SLC24A3: variants seen among roughly 807,000 people sequenced by gnomAD.
The protein encoded by SLC24A3 is sodium/potassium/calcium exchanger 3.
SLC24A3 carries 28 observed loss-of-function variants against 75.8 expected under a neutral mutation model. The ratio of observed to expected loss-of-function variants is 0.37; its 90% CI spans 0.27 to 0.51. SLC24A3 has a LOEUF of 0.51. Ranked by LOEUF, SLC24A3 falls within the 20% of genes least tolerant of loss-of-function variation. SLC24A3 has a pLI of 0.94. For synonymous variants in SLC24A3, 372 were observed against 334.1 expected, an observed-to-expected ratio of 1.11 and a Z score of -1.24; for missense variants, 663 against 847.8, an observed-to-expected ratio of 0.78 and a Z score of 2.71.
intron 3 of SLC24A3, among the ~76,000 whole-genome samples, chr20:19,564,229 A>G (rs1240504098): frequency 2.6e-5 from 4 of 152,194 alleles, no homozygotes; most frequent in African/African-American, 4.8e-5. Context: ...GTAAAAGGGA[A>G]GAAAGAATCT....
chr20:19,576,282 A>G (rs564089610), intron 3 of SLC24A3, among the ~76,000 whole-genome samples: 3 of 152,278 alleles, frequency 2.0e-5, no homozygotes, highest in African/African-American at 7.2e-5. Flanking sequence ...CTCTATTAAA[A>G]CTATTTGTGC....
chr20:19,435,101 A>G (rs1193314220), intron 2 of SLC24A3, among the ~76,000 whole-genome samples: 12 of 152,244 alleles, frequency 7.9e-5, no homozygotes, highest in Admixed American at 3.3e-4. Flanking sequence ...ATTATTTACA[A>G]ATGCTGCCCT....
intron 3 of SLC24A3, among the ~76,000 whole-genome samples, chr20:19,539,106 G>A (rs1256921822): frequency 1.3e-5 from 2 of 151,594 alleles, no homozygotes; most frequent in African/African-American, 4.9e-5. Flanking sequence ...GTGGGGATGT[G>A]CAAGAGCTTC....
chr20:19,526,619 G>A (rs543708790), intron 3 of SLC24A3, among the ~76,000 whole-genome samples: 28 of 152,196 alleles, frequency 1.8e-4, no homozygotes, highest in Admixed American at 7.9e-4. Flanking sequence ...TCCAGGTCAC[G>A]CTTTGCTCGG....
At chr20:19,227,441 C>T (rs765911296) in intron 1 of SLC24A3, among the ~76,000 whole-genome samples, 18 of 151,780 alleles carry the variant, frequency 1.2e-4, no homozygotes, top group Admixed American at 2.6e-4. Context: ...TGGCCCACGC[C>T]GTATCTCTTT....
At chr20:19,496,406 C>G (rs1038010397) in intron 2 of SLC24A3, among the ~76,000 whole-genome samples, 2 of 152,172 alleles carry the variant, frequency 1.3e-5, no homozygotes, top group African/African-American at 4.8e-5. Flanking sequence ...CATATGAAGC[C>G]ATATCCCCAC....
intron 6 of SLC24A3, among the ~76,000 whole-genome samples, chr20:19,640,313 T>C (rs1173327316): frequency 1.3e-5 from 2 of 152,200 alleles, no homozygotes; most frequent in Non-Finnish European, 2.9e-5. Context: ...TACTGACACC[T>C]GAAATAAGGA....
chr20:19,426,563 C>A (rs1987010300), intron 2 of SLC24A3, among the ~76,000 whole-genome samples: 1 of 152,160 alleles, frequency 6.6e-6, no homozygotes, highest in Non-Finnish European at 1.5e-5. Context: ...GGATTGTTTC[C>A]AATACTTTGC....
chr20:19,594,629 G>T (rs3828000), intron 6 of SLC24A3, among the ~76,000 whole-genome samples: 24,322 of 152,232 alleles, frequency 0.16, 1,978 homozygotes, highest in East Asian at 0.26. Context: ...CATTCTAGTA[G>T]CAGGCTTCGA....
intron 2 of SLC24A3, among the ~76,000 whole-genome samples, chr20:19,369,516 G>A (rs1255184870): frequency 6.6e-6 from 1 of 152,062 alleles, no homozygotes; most frequent in Non-Finnish European, 1.5e-5. Context: ...TACTTTTCTT[G>A]TAAAGACATT....
intron 3 of SLC24A3, among the ~76,000 whole-genome samples, chr20:19,548,022 A>G (rs2030629189): frequency 6.6e-6 from 1 of 152,220 alleles, no homozygotes; most frequent in Admixed American, 6.5e-5. Flanking sequence ...TCTTCTGACT[A>G]CATTATTTTC....
chr20:19,318,438 C>T (rs1984632515), intron 2 of SLC24A3, among the ~76,000 whole-genome samples: 1 of 152,198 alleles, frequency 6.6e-6, no homozygotes, highest in African/African-American at 2.4e-5. Flanking sequence ...GGGGGAAACA[C>T]TGGCATCTCT....
intron 6 of SLC24A3, among the ~76,000 whole-genome samples, chr20:19,651,372 TA>T (rs1490248723): frequency 4.4e-4 from 25 of 56,762 alleles, no homozygotes; most frequent in African/African-American, 3.7e-3. Flanking sequence ...TGGTTTTTAT[TA>T]TATATATATA....
At chr20:19,422,833 G>A (rs943278243) in intron 2 of SLC24A3, among the ~76,000 whole-genome samples, 2 of 152,188 alleles carry the variant, frequency 1.3e-5, no homozygotes, top group African/African-American at 4.8e-5. Context: ...CAGTGAGTTG[G>A]GGGAAGAACG....
intron 2 of SLC24A3, among the ~76,000 whole-genome samples, chr20:19,498,909 G>T (rs535046618): frequency 6.6e-6 from 1 of 152,192 alleles, no homozygotes; most frequent in East Asian, 1.9e-4. Context: ...CTCTCTTGGC[G>T]TGTGCACGTG....
intron 6 of SLC24A3, among the ~76,000 whole-genome samples, chr20:19,653,602 T>C (rs2032232104): frequency 6.6e-6 from 1 of 152,182 alleles, no homozygotes; most frequent in Admixed American, 6.5e-5. Context: ...GGATTGCTCC[T>C]CCTATCCCCT....
At chr20:19,517,396 A>G (rs1197106994) in intron 3 of SLC24A3, among the ~76,000 whole-genome samples, 1 of 152,132 alleles carries the variant, frequency 6.6e-6, no homozygotes, top group Non-Finnish European at 1.5e-5. Flanking sequence ...TCACTGAGTC[A>G]TCAGCTGGAG....
intron 2 of SLC24A3, among the ~76,000 whole-genome samples, chr20:19,293,068 A>ATG (rs10675846): frequency 1.5e-5 from 1 of 66,512 alleles, no homozygotes; most frequent in East Asian, 2.9e-4. Flanking sequence ...TGGGGGGAAC[A>ATG]TAAGCATGAA....
Position 19,410,001 on chromosome 20 carries a change from A to G in SLC24A3, c.272-105487A>G, listed in dbSNP as rs143895057. Among the ~76,000 whole-genome samples the G allele has an allele frequency of 5.4e-3, 820 of 152,276 alleles. 8 individuals are homozygous for G. The highest frequency in any genetic ancestry group is 0.019 in the African/African-American group (793 of 41,560). ...CTTTCAAATTTTTAATGATACATGC[A>G]TCACATCTAAAATCTAAAAAATAAA... On this transcript the variant is annotated intron_variant, in intron 2 of 16. Transcript: ENST00000328041.
Sources: allele counts gnomAD v4.1 joint callset (sites outside exome capture counted in the v4.1 genomes callset), GRCh38; gene constraint gnomAD v4.1.1; transcripts MANE v1.5; gene names NCBI Gene and HGNC (gene_info 2026-07-23, HGNC 2026-07-21).